Variants in AP5Z1 observed in about 807,000 individuals in gnomAD.
AP5Z1 encodes adaptor related protein complex 5 subunit zeta 1, also known as AP-5 complex subunit zeta-1.
AP5Z1 carries 106 observed loss-of-function variants against 83.0 expected under a neutral mutation model. The ratio of observed to expected loss-of-function variants is 1.28; its 90% CI spans 1.09 to 1.50. The LOEUF (loss-of-function observed/expected upper bound fraction) is 1.50, where lower values mean the gene tolerates loss of function less well. Ranked by LOEUF, AP5Z1 falls within the 40% of genes most tolerant of loss-of-function variation. AP5Z1 has a pLI of 0.00. For missense variants in AP5Z1, 1,565 were observed against 1,094.2 expected, an observed-to-expected ratio of 1.43 and a Z score of -6.07; for synonymous variants, 751 against 514.1, an observed-to-expected ratio of 1.46 and a Z score of -6.23.
chr7:4,791,344 AGCCGGCTGGTGGAGAGGGAG>A lies in AP5Z1; in HGVS notation c.2390_2409del (p.Leu797ProfsTer77). On this transcript the variant is annotated frameshift_variant, in exon 17 of 17. Coordinates refer to ENST00000649063, the MANE Select transcript of AP5Z1 (RefSeq NM_014855.3). LOFTEE classifies it high-confidence loss of function. ...CCTGCCCCTGGCCCTGCGCACGGTCAGCCGGCTGGTGGAGAGGGAGGCCGGCCTCATGCCAGGGTGAAGGG... is the reference window on the plus strand; with the variant it reads ...CCTGCCCCTGGCCCTGCGCACGGTCAGCCGGCCTCATGCCAGGGTGAAGGG... The A allele has an allele frequency of 6.2e-7, 1 of 1,609,310 alleles. No individual in the cohort carries two copies. Among genetic ancestry groups the A allele is most frequent in the Non-Finnish European group, 8.5e-7 (1 of 1,178,440 alleles).
intron 1 of AP5Z1, among the ~76,000 whole-genome samples, chr7:4,777,483 G>A (rs1781259244): frequency 6.6e-6 from 1 of 152,074 alleles, no homozygotes; most frequent in Non-Finnish European, 1.5e-5. Context: ...CGCCTCCTGG[G>A]TTCAAGCAAT....
chr7:4,786,693 C>A (rs776504069), intron 10 of AP5Z1, among the ~76,000 whole-genome samples: 10 of 152,088 alleles, frequency 6.6e-5, no homozygotes, highest in Non-Finnish European at 1.3e-4. Flanking sequence ...TCTCACAGCA[C>A]TGGGGCAGGG....
intron 1 of AP5Z1, among the ~76,000 whole-genome samples, chr7:4,777,270 A>G (rs1781253153): frequency 6.6e-6 from 1 of 152,088 alleles, no homozygotes; most frequent in Non-Finnish European, 1.5e-5. Flanking sequence ...GACAAGGAAA[A>G]ACACCCACTG....
At chr7:4,789,683 G>A in intron 13 of AP5Z1, 149 bp from the exon 14 acceptor site, 1 of 590,978 alleles carries the variant, frequency 1.7e-6, no homozygotes, top group Non-Finnish European at 2.9e-6. Flanking sequence ...TGCCAGCTGA[G>A]TCTCTGTGTC....
rs1284340046 is a variant in AP5Z1 at position 4,789,929 on chromosome 7, G to A, written c.1805G>A (p.Ser602Asn). The A allele has an allele frequency of 3.3e-6, 5 of 1,537,292 alleles. No homozygotes were observed. In the Admixed American group the frequency reaches 5.9e-5, roughly 18 times the overall value. Reference sequence around the variant, plus strand: ...CCAGGGTACGCTGCCGGTGTGCACAGGTAGGTCCCTCCTGCGCTCCTGCCA... The same window carrying A: ...CCAGGGTACGCTGCCGGTGTGCACAAGTAGGTCCCTCCTGCGCTCCTGCCA... ...PAPGYAAGVH[S>N]VLSSQFLALC... The change falls in exon 14 of 17, where the codon AGT becomes AAT. Residue 602 changes from serine (S) to asparagine (N), a missense_variant and splice_region_variant. Physicochemically the swap from Ser to Asn is conservative, Grantham distance 46. Transcript: ENST00000649063.
Position 4,784,757 on chromosome 7 carries a change from G to A in AP5Z1, c.791-151G>A, listed in dbSNP as rs549896800. On this transcript the variant is annotated intron_variant, in intron 6 of 16. Coordinates refer to ENST00000649063, the MANE Select transcript of AP5Z1 (RefSeq NM_014855.3). ...GGGCGGCCGTGATGGGGAAGCTGCCGGGTGGGTGGACGTCCTGAGACGGTG... is the reference window on the plus strand; with the variant it reads ...GGGCGGCCGTGATGGGGAAGCTGCCAGGTGGGTGGACGTCCTGAGACGGTG... 1.5e-3 allele frequency: 1,652 copies of A among 1,088,724 alleles called. 6 individuals carry two copies. Among genetic ancestry groups the A allele is most frequent in the Non-Finnish European group, 1.5e-3 (1,187 of 786,288 alleles). The allele number at this position is 1,088,724 out of a possible 1,614,324, so 67.4% of individuals were successfully genotyped here. A position where few individuals can be genotyped will look rare whatever the true frequency, so the allele number is the denominator to read the frequency against.
intron 4 of AP5Z1, 66 bp from the exon 5 acceptor site, chr7:4,783,623 C>A: frequency 6.6e-7 from 1 of 1,511,314 alleles, no homozygotes; most frequent in Non-Finnish European, 8.9e-7. Flanking sequence ...AGTCGGCCAG[C>A]ATCCCAACAA....
intron 1 of AP5Z1, among the ~76,000 whole-genome samples, chr7:4,780,228 AG>A (rs1781342724): frequency 6.6e-6 from 1 of 152,216 alleles, no homozygotes; most frequent in South Asian, 2.1e-4. Flanking sequence ...GTGGCTTACT[AG>A]GGAGATTTTA....
intron 13 of AP5Z1, 133 bp downstream of exon 13, chr7:4,789,084 T>C (rs1299497138): frequency 1.3e-6 from 1 of 785,782 alleles, no homozygotes; most frequent in Non-Finnish European, 2.0e-6. Context: ...ACGGTCCCTG[T>C]GAGGGTCAGG....
At chr7:4,779,486 T>A (rs532918439) in intron 1 of AP5Z1, among the ~76,000 whole-genome samples, 16 of 148,416 alleles carry the variant, frequency 1.1e-4, no homozygotes, top group South Asian at 4.2e-4. Context: ...ATATATATTT[T>A]TTTTTGAAGT....
At position 4,791,094 on chromosome 7, in the gene AP5Z1, G is replaced by A. The variant is rs374156931; in HGVS notation, c.2154-21G>A. 7.5e-5 allele frequency: 116 copies of A among 1,556,092 alleles called. 2 individuals carry two copies. The highest frequency in any genetic ancestry group is 4.5e-4 in the South Asian group (37 of 82,406). Reference sequence around the variant, plus strand: ...TGGGAGGGGAGCATCTGCAGCTGACGGAGGGACCTTCTTTCCCCAGGGCCT... The same window carrying A: ...TGGGAGGGGAGCATCTGCAGCTGACAGAGGGACCTTCTTTCCCCAGGGCCT... On this transcript the variant is annotated intron_variant, in intron 16 of 16. Transcript: ENST00000649063.
Position 4,790,379 on chromosome 7 carries a change from GT to G in AP5Z1, c.1806-77del, listed in dbSNP as rs759949062. 79 of 1,603,322 alleles carry G rather than the reference GT, an allele frequency of 4.9e-5. No individual in the cohort carries two copies. In the South Asian group the frequency reaches 8.7e-4, roughly 18 times the overall value. Reference sequence around the variant, plus strand: ...CACCTACCACTCAGACGCTTCCCGGGTTTCTCCAGGCCCTTGGCCTGGATGG... The same window carrying G: ...CACCTACCACTCAGACGCTTCCCGGGTTCTCCAGGCCCTTGGCCTGGATGG... On this transcript the variant is annotated intron_variant, in intron 14 of 16. Coordinates refer to ENST00000649063, the MANE Select transcript of AP5Z1 (RefSeq NM_014855.3).
intron 14 of AP5Z1, 46 bp from the exon 15 acceptor site, chr7:4,790,413 G>T (rs759851162): frequency 4.3e-6 from 7 of 1,612,194 alleles, no homozygotes; most frequent in Non-Finnish European, 5.1e-6. Context: ...TGGGGATGGG[G>T]TCATAGGTCT....
At chr7:4,779,035 A>T (rs1271045907) in intron 1 of AP5Z1, among the ~76,000 whole-genome samples, 6 of 145,702 alleles carry the variant, frequency 4.1e-5, no homozygotes, top group East Asian at 2.0e-4. Flanking sequence ...TATCTCAAAA[A>T]ATATATATAT....
rs139019097 is a variant in AP5Z1, at chr7:4,785,698, G to T, written c.1132+14G>T. On this transcript the variant is annotated intron_variant, in intron 9 of 16. Transcript: ENST00000649063. ...TCCTGAGCCACGGTGAGCCCAGGGT[G>T]GGGTGGCGCTGACTCGGGGCTCTGC... 2,055 of 1,492,928 alleles carry T rather than the reference G, an allele frequency of 1.4e-3. 21 individuals carry two copies. In the African/African-American group the frequency reaches 0.024, roughly 17 times the overall value. The allele number at this position is 1,492,928 out of a possible 1,614,324, so 92.5% of individuals were successfully genotyped here.
chr7:4,788,578 G>C (rs1781635065), intron 12 of AP5Z1: 1 of 501,320 alleles, frequency 2.0e-6, no homozygotes, highest in Non-Finnish European at 3.5e-6. Flanking sequence ...CCGAGCCTGA[G>C]CCCAGGAAGC....
rs772729630 is a variant in AP5Z1 at position 4,791,126 on chromosome 7, T to G, written c.2165T>G (p.Leu722Trp). ...SQDLIPRASL[L>W]LSKMRTLAHS... ...CCTTCTTTCCCCAGGGCCTCTTTAT[T>G]GCTGTCAAAGATGAGGACCCTGGCT... is the stretch of plus-strand genomic sequence containing the variant. Residue 722 changes from leucine (L) to tryptophan (W), a missense_variant, in exon 17 of 17, where the codon TTG becomes TGG. Transcript: ENST00000649063. 3 of 1,599,582 alleles carry G rather than the reference T, an allele frequency of 1.9e-6. No homozygotes were observed. In the Admixed American group the frequency reaches 5.1e-5, roughly 27 times the overall value.
chr7:4,783,899 C>A, intron 5 of AP5Z1, 101 bp downstream of exon 5: 1 of 1,284,144 alleles, frequency 7.8e-7, no homozygotes, highest in Non-Finnish European at 1.1e-6. Context: ...TGTCGTTCCG[C>A]GGGGTCCAGG....
intron 9 of AP5Z1, among the ~76,000 whole-genome samples, chr7:4,786,049 C>G (rs1781532987): frequency 6.6e-6 from 1 of 152,244 alleles, no homozygotes; most frequent in African/African-American, 2.4e-5. Context: ...AAGAATGTGC[C>G]ATAGTGTGTG....
Sources: allele counts gnomAD v4.1 joint callset (sites outside exome capture counted in the v4.1 genomes callset), GRCh38; gene constraint gnomAD v4.1.1; transcripts MANE v1.5; gene names NCBI Gene and HGNC (gene_info 2026-07-23, HGNC 2026-07-21).